Variants in COL5A2 observed in about 807,000 individuals in gnomAD.
COL5A2 encodes collagen type V alpha 2 chain, also known as collagen alpha-2(V) chain.
COL5A2 carries 23 observed loss-of-function variants against 208.2 expected under a neutral mutation model. The ratio of observed to expected loss-of-function variants is 0.11; its 90% CI spans 0.08 to 0.16. The LOEUF (loss-of-function observed/expected upper bound fraction) is 0.16. Among genes scored for constraint, COL5A2 ranks in the 10% least tolerant of loss-of-function variants. COL5A2 has a pLI of 1.00. For synonymous variants in COL5A2, 625 were observed against 628.5 expected (o/e 0.99, Z 0.08); for missense variants, 1,590 against 1,956.4 (o/e 0.81, Z 3.53).
intron 1 of COL5A2, among the ~76,000 whole-genome samples, chr2:189,159,802 A>C (rs1005643303): frequency 6.6e-6 from 1 of 152,054 alleles, no homozygotes; most frequent in South Asian, 2.1e-4. Context: ...TACGAGAATC[A>C]CTTTAACCCA....
chr2:189,429,802 GTATTTATGGGACATT>G, the COL5A2 span, among the ~76,000 whole-genome samples: 4 of 151,812 alleles, frequency 2.6e-5, no homozygotes, highest in Non-Finnish European at 5.9e-5. Context: ...CTATCTTCAG[GTATTTATGGGACATT>G]TATAACTCCT....
chr2:189,369,086 T>G, the COL5A2 span, among the ~76,000 whole-genome samples: 64 of 152,262 alleles, frequency 4.2e-4, no homozygotes, highest in African/African-American at 1.5e-3. Flanking sequence ...ACACATTAAA[T>G]TCAAAACATG....
At chr2:189,274,013 A>T in the COL5A2 span, among the ~76,000 whole-genome samples, 600 of 152,200 alleles carry the variant, frequency 3.9e-3, 6 homozygotes, top group Non-Finnish European at 3.0e-3. Flanking sequence ...TACCACAAAA[A>T]AAAAATGATA....
In COL5A2 at chr2:189,087,037, A is replaced by C. The variant is rs1368494753; in HGVS notation, c.646-267T>G. On this transcript the variant is annotated intron_variant, in intron 8 of 53. Transcript: ENST00000374866. The stretch of plus-strand genomic sequence containing the variant: ...GTACACACCCAATGTCTTTAGAACA[A>C]GAACACTTGCATGTTTAATGGATGG... Among the ~76,000 whole-genome samples, 5 of 152,240 alleles carry C rather than the reference A, an allele frequency of 3.3e-5. No homozygotes were observed. In the East Asian group the frequency reaches 9.6e-4, roughly 29 times the overall value.
At chr2:189,242,974 T>A in the COL5A2 span, among the ~76,000 whole-genome samples, 1 of 152,116 alleles carries the variant, frequency 6.6e-6, no homozygotes, top group Non-Finnish European at 1.5e-5. Flanking sequence ...CAAAAAAATT[T>A]CCTGACATCA....
intron 53 of COL5A2, among the ~76,000 whole-genome samples, chr2:189,034,657 A>G (rs1685404839): frequency 6.6e-6 from 1 of 152,150 alleles, no homozygotes; most frequent in Non-Finnish European, 1.5e-5. Context: ...AATAACTTGG[A>G]AAAGAACCAA....
At chr2:189,204,208 T>C (rs1326384567) in intron 1 of COL5A2, among the ~76,000 whole-genome samples, 1 of 152,200 alleles carries the variant, frequency 6.6e-6, no homozygotes, top group African/African-American at 2.4e-5. Flanking sequence ...GAATGAAGCA[T>C]TTTCACATAA....
At chr2:189,151,839 T>C (rs959962146) in intron 1 of COL5A2, among the ~76,000 whole-genome samples, 2 of 152,186 alleles carry the variant, frequency 1.3e-5, no homozygotes, top group African/African-American at 4.8e-5. Flanking sequence ...AGAAATTATA[T>C]ACAAGCTATA....
chr2:189,073,343 C>T (rs1212084886), intron 17 of COL5A2, among the ~76,000 whole-genome samples: 2 of 152,006 alleles, frequency 1.3e-5, no homozygotes, highest in African/African-American at 2.4e-5. Flanking sequence ...CAACTTTGTG[C>T]TCAATTACTA....
chr2:189,113,480 C>T (rs1271080864), intron 1 of COL5A2, among the ~76,000 whole-genome samples: 5 of 151,168 alleles, frequency 3.3e-5, no homozygotes, highest in Non-Finnish European at 5.9e-5. Flanking sequence ...TTTCTGTCCT[C>T]AAAATATATA....
At chr2:189,352,696 T>A in the COL5A2 span, among the ~76,000 whole-genome samples, 1 of 152,234 alleles carries the variant, frequency 6.6e-6, no homozygotes, top group Non-Finnish European at 1.5e-5. Flanking sequence ...TAGCCCTTTG[T>A]CAGATGGATA....
chr2:189,290,133 C>T, the COL5A2 span, among the ~76,000 whole-genome samples: 1 of 152,264 alleles, frequency 6.6e-6, no homozygotes, highest in East Asian at 1.9e-4. Context: ...AACACAGCCA[C>T]ATAAACCAAA....
At chr2:189,228,419 A>G (rs1689444654), upstream of COL5A2, among the ~76,000 whole-genome samples, 2 of 151,886 alleles carry the variant, frequency 1.3e-5, no homozygotes, top group South Asian at 4.1e-4. Flanking sequence ...ACTTGACTGA[A>G]GAAAAAAAGA....
intron 32 of COL5A2, 35 bp from the exon 33 acceptor site, chr2:189,058,562 A>T (rs1192578686): frequency 6.5e-7 from 1 of 1,544,564 alleles, no homozygotes; most frequent in African/African-American, 1.4e-5. Flanking sequence ...TAATCTCAAT[A>T]CTTGATCTAA....
the COL5A2 span, among the ~76,000 whole-genome samples, chr2:189,327,208 A>C: frequency 6.6e-6 from 1 of 152,166 alleles, no homozygotes; most frequent in Non-Finnish European, 1.5e-5. Context: ...ATCTGACTAC[A>C]GGAGGTTTAA....
the COL5A2 span, among the ~76,000 whole-genome samples, chr2:189,259,804 A>T: frequency 6.6e-6 from 1 of 152,178 alleles, no homozygotes; most frequent in South Asian, 2.1e-4. Context: ...TTTTCAAGTG[A>T]AGATACTAGG....
chr2:189,423,674 G>C, the COL5A2 span, among the ~76,000 whole-genome samples: 1 of 151,932 alleles, frequency 6.6e-6, no homozygotes. Context: ...TAAAGAAAAG[G>C]AAATTCTGAA....
Position 189,063,889 on chromosome 2 carries a change from A to C in COL5A2, c.1770+91T>G, listed in dbSNP as rs572224690. 1.1e-4 allele frequency: 110 copies of C among 1,003,458 alleles called. No homozygotes were observed. In the African/African-American group the frequency reaches 1.6e-3, roughly 15 times the overall value. 62.2% of individuals were successfully genotyped at this position (1,003,458 alleles called of 1,614,324 possible). ...ATGTCAATATGACCAGCATCCATAT[A>C]ATCAAAAACATTAACCTAAATAAAT... On this transcript the variant is annotated intron_variant, in intron 26 of 53. Coordinates refer to ENST00000374866, the MANE Select transcript of COL5A2 (RefSeq NM_000393.5).
the COL5A2 span, among the ~76,000 whole-genome samples, chr2:189,415,834 G>C: frequency 6.6e-6 from 1 of 151,934 alleles, no homozygotes; most frequent in South Asian, 2.1e-4. Flanking sequence ...TAATTTTTTT[G>C]TATTTTTAGT....
Sources: gnomAD v4.1 joint callset for allele counts (sites outside exome capture counted in the v4.1 genomes callset) on GRCh38, gnomAD v4.1.1 for gene constraint, MANE v1.5 for transcripts, NCBI Gene and HGNC (gene_info 2026-07-23, HGNC 2026-07-21) for gene names.